METTL8: variants seen among roughly 807,000 people sequenced by gnomAD.
METTL8 encodes the protein methyltransferase 8, tRNA N3-cytidine.
In METTL8, 32 loss-of-function variants were observed where a neutral mutation model predicts 48.7. That is an observed-to-expected ratio of 0.66 (90% confidence interval 0.50 to 0.88). The LOEUF is 0.88. Ranked by LOEUF, METTL8 falls within the 40% of genes least tolerant of loss-of-function variation. METTL8 has a pLI of 0.00. For synonymous variants in METTL8, 136 were observed against 157.1 expected, an observed-to-expected ratio of 0.87 and a Z score of 1.01; for missense variants, 464 against 474.4, an observed-to-expected ratio of 0.98 and a Z score of 0.20.
intron 3 of METTL8, among the ~76,000 whole-genome samples, chr2:171,355,820 C>T (rs985608810): frequency 6.6e-6 from 1 of 152,190 alleles, no homozygotes; most frequent in Non-Finnish European, 1.5e-5. Flanking sequence ...GTTGGAAAAG[C>T]GCAGTATTAG....
chr2:171,414,068 G>A (rs574681493), intron 1 of METTL8, among the ~76,000 whole-genome samples: 2 of 152,200 alleles, frequency 1.3e-5, no homozygotes, highest in South Asian at 4.1e-4. Context: ...TTAATTTTTA[G>A]AAGACTGACT....
intron 2 of METTL8, among the ~76,000 whole-genome samples, chr2:171,364,423 A>C (rs1449960257): frequency 6.6e-6 from 1 of 152,116 alleles, no homozygotes; most frequent in African/African-American, 2.4e-5. Flanking sequence ...ATAAAAAAGA[A>C]ACTTGGGCAG....
intron 1 of METTL8, among the ~76,000 whole-genome samples, chr2:171,407,097 G>A (rs1227263607): frequency 6.6e-6 from 1 of 152,094 alleles, no homozygotes; most frequent in East Asian, 1.9e-4. Context: ...AATATAACTA[G>A]TAACCACAGA....
At chr2:171,417,986 C>T (rs1691482988) in intron 1 of METTL8, among the ~76,000 whole-genome samples, 1 of 152,120 alleles carries the variant, frequency 6.6e-6, no homozygotes, top group South Asian at 2.1e-4. Context: ...CTCTGTCATC[C>T]AGGCTGGAGC....
intron 1 of METTL8, among the ~76,000 whole-genome samples, chr2:171,423,577 CTTG>C (rs1692095181): frequency 6.6e-6 from 1 of 152,076 alleles, no homozygotes; most frequent in Non-Finnish European, 1.5e-5. Flanking sequence ...AGATGAAGAA[CTTG>C]TTGGGAACTG....
intron 3 of METTL8, among the ~76,000 whole-genome samples, chr2:171,354,598 A>G (rs1050934132): frequency 2.0e-5 from 3 of 152,194 alleles, no homozygotes; most frequent in Admixed American, 6.5e-5. Context: ...AGGTACACCA[A>G]TCAGACGTAG....
chr2:171,393,630 T>C (rs1426234095), intron 1 of METTL8, among the ~76,000 whole-genome samples: 1 of 152,236 alleles, frequency 6.6e-6, no homozygotes, highest in Non-Finnish European at 1.5e-5. Flanking sequence ...ATTGTAATAC[T>C]GCTTGACATT....
intron 2 of METTL8, among the ~76,000 whole-genome samples, chr2:171,363,796 A>ATATATATATATATG (rs1553516536): frequency 5.1e-5 from 6 of 117,400 alleles, no homozygotes; most frequent in African/African-American, 1.3e-4. Context: ...CAAATTTTAT[A>ATATATATATATATG]TATATATATA....
intron 2 of METTL8, among the ~76,000 whole-genome samples, chr2:171,368,244 T>C (rs1389106810): frequency 6.6e-6 from 1 of 152,238 alleles, no homozygotes; most frequent in Non-Finnish European, 1.5e-5. Context: ...CATGCACTTC[T>C]TACTGAAGTA....
chr2:171,329,112 A>G (rs752240995), intron 7 of METTL8, among the ~76,000 whole-genome samples: 8 of 152,032 alleles, frequency 5.3e-5, no homozygotes, highest in Non-Finnish European at 1.0e-4. Flanking sequence ...CAGCCTCCCA[A>G]GGAGCTGGGA....
chr2:171,397,251 C>G (rs1284370177), intron 1 of METTL8, among the ~76,000 whole-genome samples: 1 of 146,334 alleles, frequency 6.8e-6, no homozygotes, highest in East Asian at 2.1e-4. Flanking sequence ...TGGTAGTTCA[C>G]GTCTGTAATC....
intron 1 of METTL8, among the ~76,000 whole-genome samples, chr2:171,394,424 A>G (rs1225896969): frequency 6.6e-6 from 1 of 152,188 alleles, no homozygotes; most frequent in African/African-American, 2.4e-5. Flanking sequence ...TTCTCTCACT[A>G]TAAATGACCA....
At chr2:171,371,001 AC>A (rs1346798108) in intron 2 of METTL8, among the ~76,000 whole-genome samples, 1 of 152,088 alleles carries the variant, frequency 6.6e-6, no homozygotes, top group Non-Finnish European at 1.5e-5. Context: ...AAGATTAAGT[AC>A]TCTGAAATTA....
intron 3 of METTL8, among the ~76,000 whole-genome samples, chr2:171,341,095 C>A (rs577024481): frequency 6.7e-6 from 1 of 149,308 alleles, no homozygotes; most frequent in African/African-American, 2.5e-5. Flanking sequence ...TTTGGGAGGC[C>A]GAGGCGGGCG....
At chr2:171,374,760 A>C (rs1441677934) in intron 2 of METTL8, among the ~76,000 whole-genome samples, 3 of 150,332 alleles carry the variant, frequency 2.0e-5, no homozygotes, top group Non-Finnish European at 4.4e-5. Flanking sequence ...TATTGTATGT[A>C]CTCTATTTCT....
intron 2 of METTL8, among the ~76,000 whole-genome samples, chr2:171,386,654 G>C (rs1377375850): frequency 1.3e-5 from 2 of 151,844 alleles, no homozygotes. Context: ...GAAGAGTGTG[G>C]TCCCTTTAAA....
intron 2 of METTL8, among the ~76,000 whole-genome samples, chr2:171,381,254 C>T (rs891307506): frequency 7.2e-5 from 11 of 152,176 alleles, no homozygotes; most frequent in African/African-American, 2.4e-4. Context: ...CAAAAATTAG[C>T]TCAAGGTGGA....
chr2:171,372,862 T>C (rs1686513999), intron 2 of METTL8, among the ~76,000 whole-genome samples: 1 of 152,204 alleles, frequency 6.6e-6, no homozygotes, highest in Non-Finnish European at 1.5e-5. Context: ...ATATGCCATA[T>C]TTTCTTCATC....
intron 6 of METTL8, among the ~76,000 whole-genome samples, chr2:171,331,189 C>T (rs1237393032): frequency 6.6e-6 from 1 of 152,180 alleles, no homozygotes; most frequent in Non-Finnish European, 1.5e-5. Context: ...TGGCTCACTG[C>T]AACCTCCGCC....
Sources: allele counts gnomAD v4.1 joint callset (sites outside exome capture counted in the v4.1 genomes callset), GRCh38; gene constraint gnomAD v4.1.1; transcripts MANE v1.5; gene names NCBI Gene and HGNC (gene_info 2026-07-23, HGNC 2026-07-21).